Variants in PUM2 observed in about 807,000 individuals in gnomAD.
The protein encoded by PUM2 is pumilio RNA binding family member 2.
Under a neutral mutation model 124.5 loss-of-function variants are expected in PUM2, and 57 were observed. That is an observed-to-expected ratio of 0.46 (90% CI 0.37 to 0.57). The LOEUF is 0.57. Among genes scored for constraint, PUM2 ranks in the 20% least tolerant of loss-of-function variants. The pLI is 0.00. For missense variants in PUM2, 1,065 were observed against 1,290.6 expected (o/e 0.83, Z 2.68); for synonymous variants, 460 against 446.1 (o/e 1.03, Z -0.39).
chr2:20,254,558 A>C (rs1485445039), intron 19 of PUM2, among the ~76,000 whole-genome samples: 1 of 152,228 alleles, frequency 6.6e-6, no homozygotes, highest in Non-Finnish European at 1.5e-5. Flanking sequence ...CTTCAAAAAA[A>C]AGGAAACCAG....
Position 20,251,431 on chromosome 2 carries a change from C to G in PUM2, c.*154G>C, listed in dbSNP as rs1271501208. 1 of 967,192 alleles carries G rather than the reference C, an allele frequency of 1.0e-6. No homozygotes were observed. The highest frequency in any genetic ancestry group is 1.7e-5 in the African/African-American group (1 of 60,116). 59.9% of individuals were successfully genotyped at this position (967,192 alleles called of 1,614,324 possible). On this transcript the variant is annotated 3_prime_UTR_variant, in exon 21 of 21. Coordinates refer to ENST00000361078, the MANE Select transcript of PUM2 (RefSeq NM_015317.5). ...CCACCCCCCAAATATACACAAGAACCTTAAAAAATTTACAAATGGATGAAT... is the reference window on the plus strand; with the variant it reads ...CCACCCCCCAAATATACACAAGAACGTTAAAAAATTTACAAATGGATGAAT...
chr2:20,261,770 T>C (rs1239627156), intron 14 of PUM2, among the ~76,000 whole-genome samples: 1 of 152,154 alleles, frequency 6.6e-6, no homozygotes, highest in African/African-American at 2.4e-5. Flanking sequence ...AGAAAAAGTC[T>C]CATAGAATAA....
intron 10 of PUM2, among the ~76,000 whole-genome samples, chr2:20,286,138 A>C (rs1391917490): frequency 6.6e-6 from 1 of 152,176 alleles, no homozygotes; most frequent in Non-Finnish European, 1.5e-5. Flanking sequence ...TTTTGAGGAG[A>C]GGAGTGAATT....
chr2:20,290,028 A>C (rs1673634294), intron 10 of PUM2, among the ~76,000 whole-genome samples: 2 of 152,214 alleles, frequency 1.3e-5, no homozygotes, highest in Non-Finnish European at 2.9e-5. Flanking sequence ...CTTAGAAAAC[A>C]ACCGTTCTTC....
intron 1 of PUM2, among the ~76,000 whole-genome samples, chr2:20,329,996 A>G (rs892250316): frequency 3.9e-5 from 6 of 152,168 alleles, no homozygotes; most frequent in African/African-American, 1.4e-4. Context: ...ACCAGAGGAA[A>G]GATAAATAAG....
rs538617563 is a variant in PUM2, at chr2:20,249,127, G to A, written c.*2458C>T. On this transcript the variant is annotated 3_prime_UTR_variant, in exon 21 of 21. Coordinates refer to ENST00000361078, the MANE Select transcript of PUM2 (RefSeq NM_015317.5). ...AATGAGTATCAGGACCCCAAGAAGA[G>A]GGTTTAGTTTCTCAATGTAGTATTC... 7.9e-5 allele frequency: 12 copies of A among 152,292 alleles called. No individual in the cohort carries two copies. The highest frequency in any genetic ancestry group is 5.2e-4 in the Admixed American group (8 of 15,290). The allele number at this position is 152,292 out of a possible 1,614,324, so 9.4% of individuals were successfully genotyped here.
chr2:20,343,533 G>T (rs1201497619), intron 1 of PUM2, among the ~76,000 whole-genome samples: 1 of 152,218 alleles, frequency 6.6e-6, no homozygotes, highest in Non-Finnish European at 1.5e-5. Flanking sequence ...CAGTAGGTAT[G>T]TACAATTCTC....
At position 20,316,806 on chromosome 2, in the gene PUM2, C is replaced by G. The variant is rs116362647; in HGVS notation, c.160+1731G>C. Among the ~76,000 whole-genome samples, 1,113 of 152,208 alleles carry G rather than the reference C, an allele frequency of 7.3e-3. 21 individuals carry two copies. The highest frequency in any genetic ancestry group is 0.026 in the African/African-American group (1,072 of 41,532). On this transcript the variant is annotated intron_variant, in intron 3 of 20. Transcript: ENST00000361078. ...CAGCACTCTGGGTGGCTGAGGCAGG[C>G]AGATCACCTGAGGTAAGATTTCGAG... is the stretch of plus-strand genomic sequence containing the variant.
At chr2:20,309,288 T>G (rs1252003996) in intron 5 of PUM2, among the ~76,000 whole-genome samples, 1 of 151,704 alleles carries the variant, frequency 6.6e-6, no homozygotes. Context: ...AGCAACTATT[T>G]ATGAAAGCCC....
At chr2:20,283,285 T>C in intron 11 of PUM2, 54 bp from the exon 12 acceptor site, 1 of 1,606,320 alleles carries the variant, frequency 6.2e-7, no homozygotes, top group African/African-American at 1.3e-5. Flanking sequence ...TTCTGTATTT[T>C]AAAAATGGTA....
chr2:20,310,907 GACA>G (rs1464862613), intron 5 of PUM2, among the ~76,000 whole-genome samples: 1 of 151,928 alleles, frequency 6.6e-6, no homozygotes, highest in African/African-American at 2.4e-5. Flanking sequence ...GCCATAAAAA[GACA>G]ACAAAAGGCT....
In PUM2 at chr2:20,278,957, A is replaced by T. The variant is rs947249576; in HGVS notation, c.1721-138T>A. ...CATTTTGGAGAAGATAATTACTGTG[A>T]TAACTATATATACTAACTTATTAAT... On this transcript the variant is annotated intron_variant, in intron 12 of 20. Coordinates refer to ENST00000361078, the MANE Select transcript of PUM2 (RefSeq NM_015317.5). 3.8e-5 allele frequency: 25 copies of T among 663,484 alleles called. No individual in the cohort carries two copies. The Admixed American group carries it at 4.8e-4, about 13-fold the overall frequency. The allele number at this position is 663,484 out of a possible 1,614,324, so 41.1% of individuals were successfully genotyped here.
Position 20,346,273 on chromosome 2 carries a change from TA to T in PUM2, c.-19+4323del, listed in dbSNP as rs1417120092. Among the ~76,000 whole-genome samples the T allele has an allele frequency of 2.6e-5, 4 of 152,340 alleles. No individual in the cohort carries two copies. The East Asian group carries it at 7.7e-4, about 29-fold the overall frequency. ...TGAATGTTTTTGCATGTAATCATGC[TA>T]AAACTACCGATAAGCTACTATGGAG... On this transcript the variant is annotated intron_variant, in intron 1 of 20. Transcript: ENST00000361078.
Position 20,249,245 on chromosome 2 carries a change from AG to A in PUM2, c.*2339del, listed in dbSNP as rs893593712. On this transcript the variant is annotated 3_prime_UTR_variant, in exon 21 of 21. Coordinates refer to ENST00000361078, the MANE Select transcript of PUM2 (RefSeq NM_015317.5). ...ACTAGGAATTCAACTGTACAAAGAC[AG>A]GAAAGCCATTACCAATCTCCAACAT... is the stretch of plus-strand genomic sequence containing the variant. The A allele has an allele frequency of 6.6e-6, 1 of 152,310 alleles. No homozygotes were observed. Among genetic ancestry groups the A allele is most frequent in the African/African-American group, 2.4e-5 (1 of 41,478 alleles). 9.4% of individuals were successfully genotyped at this position (152,310 alleles called of 1,614,324 possible).
chr2:20,275,963 A>G (rs568534840), intron 13 of PUM2, among the ~76,000 whole-genome samples: 108 of 152,238 alleles, frequency 7.1e-4, no homozygotes, highest in African/African-American at 2.5e-3. Flanking sequence ...GGGAGATTAG[A>G]GTTAATAATA....
chr2:20,292,119 G>A (rs1230624018), intron 9 of PUM2, among the ~76,000 whole-genome samples: 1 of 150,268 alleles, frequency 6.7e-6, no homozygotes, highest in Non-Finnish European at 1.5e-5. Context: ...AGGACTCCAG[G>A]TGCATGAGCT....
chr2:20,261,394 C>CAAAAAAAAAAAAAAAAAAAAAAAAA (rs200294801), intron 14 of PUM2, among the ~76,000 whole-genome samples: 12 of 76,786 alleles, frequency 1.6e-4, no homozygotes, highest in Admixed American at 2.5e-4. Context: ...ACTCTGTCTC[C>CAAAAAAAAAAAAAAAAAAAAAAAAA]AAAAAAAAAA....
At chr2:20,324,233 G>C (rs556137753) in intron 2 of PUM2, among the ~76,000 whole-genome samples, 22 of 152,186 alleles carry the variant, frequency 1.4e-4, no homozygotes, top group African/African-American at 5.3e-4. Flanking sequence ...CATAACACTA[G>C]GGAGAGATCT....
At position 20,346,338 on chromosome 2, in the gene PUM2, G is replaced by C. The variant is rs1162889989; in HGVS notation, c.-19+4259C>G. Among the ~76,000 whole-genome samples the C allele has an allele frequency of 2.0e-5, 3 of 152,186 alleles. No homozygotes were observed. In the East Asian group the frequency reaches 5.8e-4, roughly 29 times the overall value. ...ACTAACTTAAAAATGACATGGTCAA[G>C]AAAATGGAAGATACAAGTAGTTCCA... On this transcript the variant is annotated intron_variant, in intron 1 of 20. Transcript: ENST00000361078.
Sources: allele counts gnomAD v4.1 joint callset (sites outside exome capture counted in the v4.1 genomes callset), GRCh38; gene constraint gnomAD v4.1.1; transcripts MANE v1.5; gene names NCBI Gene and HGNC (gene_info 2026-07-23, HGNC 2026-07-21).